FRK: variants seen among roughly 807,000 people sequenced by gnomAD.
FRK encodes the protein tyrosine-protein kinase FRK.
In FRK, 51 loss-of-function variants were observed where a neutral mutation model predicts 56.4. The observed-to-expected ratio is 0.90, with a 90% confidence interval of 0.72 to 1.14. The LOEUF (loss-of-function observed/expected upper bound fraction) is 1.14, where lower values mean the gene tolerates loss of function less well. Among genes scored for constraint, FRK ranks in the 50% most tolerant of loss-of-function variants. The pLI, the probability that FRK is intolerant of heterozygous loss-of-function variation, is 0.00. For synonymous variants in FRK, 245 were observed against 217.9 expected (o/e 1.12, Z -1.10); for missense variants, 570 against 601.4 (o/e 0.95, Z 0.55).
chr6:116,020,362 G>C (rs1162111723), intron 1 of FRK, among the ~76,000 whole-genome samples: 1 of 151,762 alleles, frequency 6.6e-6, no homozygotes, highest in Non-Finnish European at 1.5e-5. Context: ...CATGATCTTG[G>C]CTCACTGCAA....
At chr6:116,089,773 A>G in the FRK span, among the ~76,000 whole-genome samples, 1 of 152,240 alleles carries the variant, frequency 6.6e-6, no homozygotes, top group Non-Finnish European at 1.5e-5. Context: ...CCTATCACCA[A>G]GTATCATCAC....
At chr6:116,039,207 T>A (rs776514063) in intron 1 of FRK, 25 of 1,442,850 alleles carry the variant, frequency 1.7e-5, no homozygotes, top group Non-Finnish European at 2.4e-5. Context: ...TCATCGCAGA[T>A]AACGTGAAGG....
intron 2 of FRK, among the ~76,000 whole-genome samples, chr6:115,971,827 T>C (rs955658834): frequency 1.3e-5 from 2 of 152,158 alleles, no homozygotes; most frequent in Non-Finnish European, 2.9e-5. Context: ...ATGGTATGGG[T>C]GCCTTCCTCT....
At chr6:115,945,951 G>C (rs533133479) in intron 5 of FRK, among the ~76,000 whole-genome samples, 59 of 152,136 alleles carry the variant, frequency 3.9e-4, no homozygotes, top group African/African-American at 1.4e-3. Flanking sequence ...ATTTGTATTT[G>C]TATTTGACTT....
chr6:116,017,236 A>T (rs950359489), intron 1 of FRK, among the ~76,000 whole-genome samples: 4 of 152,144 alleles, frequency 2.6e-5, no homozygotes, highest in African/African-American at 9.7e-5. Context: ...ACACGTTTTA[A>T]GTTCAGCCTA....
intron 5 of FRK, among the ~76,000 whole-genome samples, chr6:115,951,063 A>G: frequency 6.6e-6 from 1 of 152,178 alleles, no homozygotes; most frequent in Non-Finnish European, 1.5e-5. Context: ...AGAAATACCT[A>G]ATGTAGATGA....
At chr6:115,958,810 GAAAGAAAGAA>G (rs1209988398) in intron 4 of FRK, among the ~76,000 whole-genome samples, 5 of 86,628 alleles carry the variant, frequency 5.8e-5, no homozygotes, top group African/African-American at 9.7e-5. Context: ...AAGAAAGAAA[GAAAGAAAGAA>G]AAAGAAAGAA....
At chr6:116,081,419 G>A in the FRK span, among the ~76,000 whole-genome samples, 1 of 152,146 alleles carries the variant, frequency 6.6e-6, no homozygotes, top group Non-Finnish European at 1.5e-5. Flanking sequence ...CACTTTGGGA[G>A]GCCAAGGTGG....
upstream of FRK, among the ~76,000 whole-genome samples, chr6:116,065,239 A>G (rs948833665): frequency 6.6e-6 from 1 of 152,202 alleles, no homozygotes; most frequent in African/African-American, 2.4e-5. Flanking sequence ...GGACGAATTA[A>G]TGATCCCCAA....
intron 1 of FRK, among the ~76,000 whole-genome samples, chr6:116,011,028 AAAGG>A (rs1775448328): frequency 6.6e-6 from 1 of 152,180 alleles, no homozygotes; most frequent in South Asian, 2.1e-4. Flanking sequence ...CCAAAAAGGG[AAAGG>A]AGAGCTGTCC....
intron 1 of FRK, among the ~76,000 whole-genome samples, chr6:116,057,621 G>T (rs1272435026): frequency 6.6e-6 from 1 of 152,170 alleles, no homozygotes; most frequent in Non-Finnish European, 1.5e-5. Flanking sequence ...GGGCATCATG[G>T]TTTTTATTCC....
At chr6:116,013,600 G>A (rs891320332) in intron 1 of FRK, among the ~76,000 whole-genome samples, 1 of 152,110 alleles carries the variant, frequency 6.6e-6, no homozygotes, top group Non-Finnish European at 1.5e-5. Context: ...TTGATCTTAT[G>A]ATGCCTAGGA....
At chr6:116,091,790 T>C in the FRK span, among the ~76,000 whole-genome samples, 1 of 152,070 alleles carries the variant, frequency 6.6e-6, no homozygotes, top group Non-Finnish European at 1.5e-5. Context: ...GTTGGGAGCA[T>C]TGGTTTGCCT....
chr6:115,989,861 A>G (rs1438544745), intron 2 of FRK, among the ~76,000 whole-genome samples: 1 of 151,928 alleles, frequency 6.6e-6, no homozygotes, highest in Non-Finnish European at 1.5e-5. Context: ...AGAAATGTCC[A>G]CACTGTTTTC....
intron 4 of FRK, 110 bp downstream of exon 4, chr6:115,967,441 C>T (rs551974039): frequency 9.6e-7 from 1 of 1,039,476 alleles, no homozygotes; most frequent in Non-Finnish European, 1.4e-6. Context: ...ATGACCACAA[C>T]ACCTGCTTGC....
chr6:115,937,875 G>A lies in FRK; in HGVS notation c.*4539C>T, dbSNP rs1344152534. On this transcript the variant is annotated 3_prime_UTR_variant, in exon 8 of 8. Transcript: ENST00000606080. ...AGACTTAGACTCCCACACAATAATA[G>A]TGGGAAATTTTAACAGCCTGCTGTC... 2 of 152,116 alleles carry A rather than the reference G, an allele frequency of 1.3e-5. No homozygotes were observed. Among genetic ancestry groups the A allele is most frequent in the African/African-American group, 4.8e-5 (2 of 41,406 alleles). 9.4% of individuals were successfully genotyped at this position (152,116 alleles called of 1,614,324 possible). A position where few individuals can be genotyped will look rare whatever the true frequency, so the allele number is the denominator to read the frequency against.
At chr6:116,023,332 G>A (rs1775951881) in intron 1 of FRK, among the ~76,000 whole-genome samples, 1 of 152,114 alleles carries the variant, frequency 6.6e-6, no homozygotes, top group African/African-American at 2.4e-5. Context: ...AAGTAGACTT[G>A]CACAAAAATG....
intron 5 of FRK, among the ~76,000 whole-genome samples, chr6:115,955,137 C>T (rs1052929065): frequency 2.0e-5 from 3 of 151,782 alleles, no homozygotes; most frequent in Non-Finnish European, 2.9e-5. Context: ...GAACTAGTGA[C>T]GTTGTGAACA....
chr6:116,057,613 G>C (rs1345053163), intron 1 of FRK, among the ~76,000 whole-genome samples: 2 of 152,134 alleles, frequency 1.3e-5, no homozygotes, highest in Non-Finnish European at 2.9e-5. Context: ...CATTTTCTGG[G>C]CATCATGGTT....
Sources: allele counts gnomAD v4.1 joint callset (sites outside exome capture counted in the v4.1 genomes callset), GRCh38; gene constraint gnomAD v4.1.1; transcripts MANE v1.5; gene names NCBI Gene and HGNC (gene_info 2026-07-23, HGNC 2026-07-21).